RELB: variants seen among roughly 807,000 people sequenced by gnomAD.
RELB encodes the protein transcription factor RelB.
In RELB, 14 loss-of-function variants were observed where a neutral mutation model predicts 55.4. That is an observed-to-expected ratio of 0.25 (90% CI 0.17 to 0.40). RELB has a LOEUF of 0.40. Among genes scored for constraint, RELB ranks in the 10% least tolerant of loss-of-function variants. RELB has a pLI of 1.00. For synonymous variants in RELB, 409 were observed against 371.3 expected (o/e 1.10, Z -1.17); for missense variants, 669 against 830.7 (o/e 0.81, Z 2.39).
chr19:45,024,582 G>C (rs1327508907), intron 5 of RELB, among the ~76,000 whole-genome samples: 1 of 151,212 alleles, frequency 6.6e-6, no homozygotes, highest in Non-Finnish European at 1.5e-5. Context: ...ACAGATTCTT[G>C]CTCTGTCGCC....
chr19:45,023,127 G>A (rs1416945321), intron 5 of RELB, among the ~76,000 whole-genome samples: 1 of 152,118 alleles, frequency 6.6e-6, no homozygotes, highest in African/African-American at 2.4e-5. Flanking sequence ...TAAGTTCCGA[G>A]AGCAGAGATC....
intron 7 of RELB, among the ~76,000 whole-genome samples, chr19:45,026,778 G>A (rs935660436): frequency 6.6e-6 from 1 of 152,128 alleles, no homozygotes; most frequent in African/African-American, 2.4e-5. Flanking sequence ...GGTGGTCTGG[G>A]AAAGCAAGTG....
intron 1 of RELB, 106 bp from the exon 2 acceptor site, chr19:45,002,842 TC>T: frequency 1.1e-6 from 1 of 902,982 alleles, no homozygotes; most frequent in Non-Finnish European, 1.7e-6. Context: ...AGGGGCCTGA[TC>T]CAGAGGGGAA....
intron 5 of RELB, among the ~76,000 whole-genome samples, chr19:45,024,641 C>T (rs1338581977): frequency 6.6e-6 from 1 of 152,038 alleles, no homozygotes; most frequent in African/African-American, 2.4e-5. Context: ...CCTCTACCTC[C>T]CGGGCTCAAG....
intron 5 of RELB, among the ~76,000 whole-genome samples, 183 bp downstream of exon 5, chr19:45,022,393 C>T (rs916037063): frequency 2.0e-5 from 3 of 152,154 alleles, no homozygotes; most frequent in Non-Finnish European, 4.4e-5. Flanking sequence ...CCTTGCCACA[C>T]ACATATTCAC....
chr19:45,024,326 TAA>T, intron 5 of RELB, among the ~76,000 whole-genome samples: 1 of 151,452 alleles, frequency 6.6e-6, no homozygotes, highest in African/African-American at 2.4e-5. Context: ...CATGCCTGGC[TAA>T]TTTTTTTGTA....
At chr19:45,008,165 G>C (rs192394026) in intron 2 of RELB, among the ~76,000 whole-genome samples, 23 of 151,228 alleles carry the variant, frequency 1.5e-4, no homozygotes, top group Non-Finnish European at 2.5e-4. Context: ...GCAAGACTCC[G>C]TCTCAAAAAA....
intron 4 of RELB, among the ~76,000 whole-genome samples, chr19:45,017,459 A>AAAAAAAAAAAAAAAAAAAAAAAAAAG (rs1568400059): frequency 6.6e-6 from 1 of 151,064 alleles, no homozygotes; most frequent in African/African-American, 2.4e-5. Context: ...TAAAAAAAAA[A>AAAAAAAAAAAAAAAAAAAAAAAAAAG]AAAACAATTC....
At chr19:45,032,199 G>A (rs1484928889) in intron 8 of RELB, among the ~76,000 whole-genome samples, 1 of 151,848 alleles carries the variant, frequency 6.6e-6, no homozygotes, top group Non-Finnish European at 1.5e-5. Flanking sequence ...TCATGCCACT[G>A]CACTTCAGCC....
At chr19:45,018,004 C>T (rs748543198) in intron 4 of RELB, among the ~76,000 whole-genome samples, 47 of 150,678 alleles carry the variant, frequency 3.1e-4, no homozygotes, top group Middle Eastern at 3.5e-3. Flanking sequence ...CGGTGGCTCA[C>T]GCCTGTAATC....
intron 8 of RELB, 125 bp downstream of exon 8, chr19:45,029,117 G>A (rs944901048): frequency 1.7e-5 from 11 of 662,524 alleles, no homozygotes; most frequent in Middle Eastern, 3.8e-4. Flanking sequence ...GAGTGCAAGG[G>A]TCCAGAACAC....
chr19:45,022,012 A>T, intron 4 of RELB, 41 bp from the exon 5 acceptor site: 1 of 1,569,376 alleles, frequency 6.4e-7, no homozygotes. Flanking sequence ...GGACGCAGGC[A>T]TCGGTGATGG....
intron 3 of RELB, among the ~76,000 whole-genome samples, chr19:45,011,657 G>A (rs1194527088): frequency 6.6e-6 from 1 of 151,736 alleles, no homozygotes; most frequent in Non-Finnish European, 1.5e-5. Flanking sequence ...ATGTTGGCCA[G>A]GCTGGTCTCG....
intron 11 of RELB, among the ~76,000 whole-genome samples, chr19:45,035,600 G>A (rs1264737788): frequency 1.3e-5 from 2 of 152,134 alleles, no homozygotes; most frequent in Non-Finnish European, 2.9e-5. Flanking sequence ...GGCCAAGGCA[G>A]GTAGATCACG....
In RELB at chr19:45,008,987, T is replaced by C. The variant is rs1971316720; in HGVS notation, c.155-827T>C. The stretch of plus-strand genomic sequence containing the variant: ...TCCTCACTTAGGAAGCAGGGGTGAA[T>C]CTGGGATTTTGGGTGGTCACTGTGG... On this transcript the variant is annotated intron_variant, in intron 2 of 11. Coordinates refer to ENST00000221452, the MANE Select transcript of RELB (RefSeq NM_006509.4). 3.9e-5 allele frequency among the ~76,000 whole-genome samples: 6 copies of C among 152,246 alleles called. No individual in the cohort carries two copies. In the South Asian group the frequency reaches 1.2e-3, roughly 32 times the overall value.
At chr19:45,032,311 C>T (rs555484463) in intron 8 of RELB, 3 of 482,926 alleles carry the variant, frequency 6.2e-6, no homozygotes, top group Non-Finnish European at 1.1e-5. Flanking sequence ...CCCAGCTATT[C>T]CGGAGGCTGA....
chr19:45,029,411 G>A (rs1020220089), intron 8 of RELB, among the ~76,000 whole-genome samples: 1 of 151,932 alleles, frequency 6.6e-6, no homozygotes, highest in Non-Finnish European at 1.5e-5. Context: ...TCCTCAAACA[G>A]GCTTTTAAAA....
chr19:45,001,847 C>T (rs1308014655), intron 1 of RELB, among the ~76,000 whole-genome samples, 162 bp downstream of exon 1: 3 of 152,076 alleles, frequency 2.0e-5, no homozygotes, highest in Non-Finnish European at 4.4e-5. Context: ...AGGAAGAAGG[C>T]AGAGGGTGAT....
chr19:45,004,533 T>C (rs1181967725), intron 2 of RELB, among the ~76,000 whole-genome samples: 1 of 150,064 alleles, frequency 6.7e-6, no homozygotes, highest in Non-Finnish European at 1.5e-5. Context: ...CAGACAGTGG[T>C]TCTTAAACCA....
Sources: allele counts gnomAD v4.1 joint callset (sites outside exome capture counted in the v4.1 genomes callset), GRCh38; gene constraint gnomAD v4.1.1; transcripts MANE v1.5; gene names NCBI Gene and HGNC (gene_info 2026-07-23, HGNC 2026-07-21).